The following TUB variants were observed in gnomAD, a reference collection of about 807,000 sequenced individuals.
TUB encodes TUB bipartite transcription factor.
TUB carries 33 observed loss-of-function variants against 59.7 expected under a neutral mutation model. That is an observed-to-expected ratio of 0.55 (90% CI 0.42 to 0.74). TUB has a LOEUF of 0.74. Among genes scored for constraint, TUB ranks in the 30% least tolerant of loss-of-function variants. TUB has a pLI of 0.00. For synonymous variants in TUB, 293 were observed against 256.4 expected (o/e 1.14, Z -1.36); for missense variants, 659 against 672.0 (o/e 0.98, Z 0.21).
intron 2 of TUB, among the ~76,000 whole-genome samples, chr11:8,040,762 T>G (rs1290114680): frequency 6.6e-6 from 1 of 152,212 alleles, no homozygotes; most frequent in South Asian, 2.1e-4. Flanking sequence ...GACTCTGCTG[T>G]GATGACTGTT....
intron 2 of TUB, among the ~76,000 whole-genome samples, chr11:8,053,605 A>G (rs1205552218): frequency 6.6e-6 from 1 of 151,118 alleles, no homozygotes; most frequent in African/African-American, 2.4e-5. Context: ...AGTTCACGCC[A>G]TTCTCCTGCC....
rs117531400 is a variant in TUB at position 8,088,435 on chromosome 11, G to A, written c.39-1175G>A. Among the ~76,000 whole-genome samples, 136 of 152,282 alleles carry A rather than the reference G, an allele frequency of 8.9e-4. 2 individuals are homozygous for A. In the East Asian group the frequency reaches 0.025, roughly 28 times the overall value. On this transcript the variant is annotated intron_variant, in intron 1 of 11. Coordinates refer to ENST00000299506, the MANE Select transcript of TUB (RefSeq NM_177972.3). Reference sequence around the variant, plus strand: ...GTGACCTCCTGTTTCCCCTTTGCACGCACACTGCGCTCACCTTCACACGAG... The same window carrying A: ...GTGACCTCCTGTTTCCCCTTTGCACACACACTGCGCTCACCTTCACACGAG...
At chr11:8,098,138 A>T (rs1373860301) in intron 8 of TUB, among the ~76,000 whole-genome samples, 2 of 151,918 alleles carry the variant, frequency 1.3e-5, no homozygotes, top group Admixed American at 6.6e-5. Flanking sequence ...CCTTGGCTCC[A>T]TGGTCAATGC....
rs1944316850 is a variant in TUB at position 8,101,735 on chromosome 11, C to T, written c.*116C>T. 2.1e-6 allele frequency: 3 copies of T among 1,457,256 alleles called. No individual in the cohort carries two copies. The highest frequency in any genetic ancestry group is 2.9e-5 in the South Asian group (2 of 69,708). The allele number at this position is 1,457,256 out of a possible 1,614,324, so 90.3% of individuals were successfully genotyped here. A position where few individuals can be genotyped will look rare whatever the true frequency, so the allele number is the denominator to read the frequency against. ...GGCCTTCCGCCAGATGAAGCTTTGG[C>T]CCTCAGTGGGCTCCCTGGCCCAGCC... On this transcript the variant is annotated 3_prime_UTR_variant, in exon 12 of 12. Coordinates refer to ENST00000299506, the MANE Select transcript of TUB (RefSeq NM_177972.3).
intron 2 of TUB, among the ~76,000 whole-genome samples, chr11:8,042,797 T>C (rs1942774722): frequency 3.9e-5 from 6 of 152,186 alleles, no homozygotes; most frequent in Admixed American, 3.9e-4. Context: ...GTTGCCTTTT[T>C]ATTATTGAGT....
chr11:8,024,193 G>A (rs1248656600), intron 1 of TUB, among the ~76,000 whole-genome samples: 5 of 152,170 alleles, frequency 3.3e-5, no homozygotes, highest in African/African-American at 1.2e-4. Flanking sequence ...ACTCACTCCA[G>A]CACTTTTTAT....
upstream of TUB, chr11:8,035,807 A>G (rs547365177): frequency 6.6e-6 from 1 of 152,410 alleles, no homozygotes; most frequent in East Asian, 1.9e-4. Context: ...GGAGGTGGAG[A>G]ACATTCCATG....
intron 2 of TUB, among the ~76,000 whole-genome samples, chr11:8,070,652 T>A (rs12099243): frequency 0.027 from 4,059 of 152,286 alleles, 182 homozygotes; most frequent in African/African-American, 0.094. Context: ...TACAAGTAGT[T>A]GGGCCCTCCT....
chr11:8,057,733 A>T (rs1943042762), intron 2 of TUB, among the ~76,000 whole-genome samples: 1 of 152,036 alleles, frequency 6.6e-6, no homozygotes, highest in African/African-American at 2.4e-5. Flanking sequence ...CCCCCAATAA[A>T]ACTTGTTTAA....
chr11:8,037,543 A>T (rs1276707796), upstream of TUB, among the ~76,000 whole-genome samples: 1 of 152,172 alleles, frequency 6.6e-6, no homozygotes, highest in East Asian at 1.9e-4. Flanking sequence ...TTTCCTTCTG[A>T]TACTTGAAAT....
chr11:8,059,281 G>A (rs1943077468), intron 2 of TUB, among the ~76,000 whole-genome samples: 1 of 152,150 alleles, frequency 6.6e-6, no homozygotes, highest in African/African-American at 2.4e-5. Context: ...GTCACTGCCT[G>A]TATGGAGCTC....
In TUB at chr11:8,103,141, CGGTCTA is replaced by C. The variant is rs1314123875; in HGVS notation, c.*1526_*1531del. On this transcript the variant is annotated 3_prime_UTR_variant, in exon 12 of 12. Coordinates refer to ENST00000299506, the MANE Select transcript of TUB (RefSeq NM_177972.3). ...CTTAGTACGGCTGCTGCACACTTCT[CGGTCTA>C]GGTGGGAGAGAGTGCATAAAGGTTC... is the stretch of plus-strand genomic sequence containing the variant. 1 of 152,228 alleles carries C rather than the reference CGGTCTA, an allele frequency of 6.6e-6. No homozygotes were observed. Among genetic ancestry groups the C allele is most frequent in the Admixed American group, 6.5e-5 (1 of 15,294 alleles). 9.4% of individuals were successfully genotyped at this position (152,228 alleles called of 1,614,324 possible). A position where few individuals can be genotyped will look rare whatever the true frequency, so the allele number is the denominator to read the frequency against.
At chr11:8,100,764 C>T in intron 10 of TUB, 62 bp from the exon 11 acceptor site, 2 of 1,598,736 alleles carry the variant, frequency 1.3e-6, no homozygotes, top group Non-Finnish European at 1.7e-6. Context: ...GGATAGATCC[C>T]TTTCTGGGGT....
chr11:8,039,752 T>C (rs2133730448), intron 2 of TUB: 1 of 1,396,260 alleles, frequency 7.2e-7, no homozygotes. Context: ...CAGGAGACTG[T>C]GAGGGAGGTG....
chr11:8,070,367 T>C (rs1943338881), intron 2 of TUB, among the ~76,000 whole-genome samples: 1 of 152,228 alleles, frequency 6.6e-6, no homozygotes, highest in Admixed American at 6.5e-5. Context: ...TTTTAAAACT[T>C]TTCATATGTA....
chr11:8,028,196 C>T (rs1048154730), intron 1 of TUB, among the ~76,000 whole-genome samples: 1 of 152,110 alleles, frequency 6.6e-6, no homozygotes, highest in Non-Finnish European at 1.5e-5. Context: ...TTTGCATTTC[C>T]TCAGTGACAA....
chr11:8,063,425 G>A (rs1387277049), intron 2 of TUB, among the ~76,000 whole-genome samples: 2 of 152,218 alleles, frequency 1.3e-5, no homozygotes, highest in African/African-American at 2.4e-5. Flanking sequence ...TGAAGTAGCC[G>A]ACTGCACGTT....
upstream of TUB, among the ~76,000 whole-genome samples, chr11:8,036,729 G>A (rs936771324): frequency 6.6e-6 from 1 of 152,208 alleles, no homozygotes; most frequent in African/African-American, 2.4e-5. Context: ...TATGACCCTT[G>A]AGAGATGCAG....
upstream of TUB, among the ~76,000 whole-genome samples, chr11:8,079,746 G>A (rs1306101641): frequency 1.3e-5 from 2 of 150,542 alleles, no homozygotes; most frequent in Non-Finnish European, 2.9e-5. Context: ...AACTGTGATT[G>A]GCCAAAAGGA....
Sources: allele counts gnomAD v4.1 joint callset (sites outside exome capture counted in the v4.1 genomes callset), GRCh38; gene constraint gnomAD v4.1.1; transcripts MANE v1.5; gene names NCBI Gene and HGNC (gene_info 2026-07-23, HGNC 2026-07-21).